The following SV2B variants were observed in gnomAD, a reference collection of about 807,000 sequenced individuals.
The protein encoded by SV2B is solute carrier family 22 member B2.
SV2B carries 41 observed loss-of-function variants against 73.9 expected under a neutral mutation model. That is an observed-to-expected ratio of 0.56 (90% CI 0.43 to 0.72). The LOEUF (loss-of-function observed/expected upper bound fraction) is 0.72, where lower values mean the gene tolerates loss of function less well. Ranked by LOEUF, SV2B falls within the 30% of genes least tolerant of loss-of-function variation. SV2B has a pLI of 0.00. For synonymous variants in SV2B, 314 were observed against 314.2 expected (o/e 1.00, Z 0.01); for missense variants, 764 against 857.8 (o/e 0.89, Z 1.37).
chr15:91,155,515 C>T (rs1447722098), intron 1 of SV2B, among the ~76,000 whole-genome samples: 1 of 152,160 alleles, frequency 6.6e-6, no homozygotes, highest in Non-Finnish European at 1.5e-5. Flanking sequence ...GCTTCCTGGC[C>T]TCTTCTGGAC....
chr15:91,171,413 T>C (rs1004119806), intron 1 of SV2B, among the ~76,000 whole-genome samples: 1 of 152,186 alleles, frequency 6.6e-6, no homozygotes. Flanking sequence ...ATATTGTGAG[T>C]TGGTGGCACA....
At chr15:91,161,127 G>A (rs2043699807) in intron 1 of SV2B, among the ~76,000 whole-genome samples, 1 of 152,164 alleles carries the variant, frequency 6.6e-6, no homozygotes, top group Non-Finnish European at 1.5e-5. Flanking sequence ...GGAGATGGGT[G>A]GTTTCTTGGG....
chr15:91,152,797 G>A (rs144460114), intron 1 of SV2B, among the ~76,000 whole-genome samples: 22 of 152,296 alleles, frequency 1.4e-4, no homozygotes, highest in African/African-American at 4.8e-4. Flanking sequence ...CACCAACTAA[G>A]ACTTTCTCCA....
intron 1 of SV2B, among the ~76,000 whole-genome samples, chr15:91,186,640 T>C (rs928487448): frequency 6.6e-6 from 1 of 152,154 alleles, no homozygotes; most frequent in Non-Finnish European, 1.5e-5. Flanking sequence ...AAAAATACAC[T>C]TATAAATGGA....
Position 91,136,327 on chromosome 15 carries a change from T to C in SV2B, c.-392+35964T>C, listed in dbSNP as rs1392837788. Among the ~76,000 whole-genome samples, 1 of 152,114 alleles carries C rather than the reference T, an allele frequency of 6.6e-6. No individual in the cohort carries two copies. The highest frequency in any genetic ancestry group is 1.5e-5 in the Non-Finnish European group (1 of 68,026). ...CTCAGCAGGTTGCTGGAAGGTTTGA[T>C]GTAGGGTTGATGCATCTGACAGCCA... On this transcript the variant is annotated intron_variant, in intron 1 of 12. Transcript: ENST00000394232. The surrounding 1 kb of genome is among the most constrained non-coding windows in gnomAD (Gnocchi z 5.6).
chr15:91,170,967 C>G (rs2044101514), intron 1 of SV2B, among the ~76,000 whole-genome samples: 2 of 152,156 alleles, frequency 1.3e-5, no homozygotes, highest in Admixed American at 6.5e-5. Flanking sequence ...TGGACTCACT[C>G]TGTGCCAGGT....
Position 91,139,482 on chromosome 15 carries a change from G to A in SV2B, c.-392+39119G>A, listed in dbSNP as rs1361825867. On this transcript the variant is annotated intron_variant, in intron 1 of 12. Transcript: ENST00000394232. This position sits in a 1 kb window ranked among gnomAD's most constrained non-coding sequence, Gnocchi z 5.2. ...CTGGGAAATGGAGGCAGGGAGAGGTGTACAAGTAGCACCCAGAACAGAAAA... is the reference window on the plus strand; with the variant it reads ...CTGGGAAATGGAGGCAGGGAGAGGTATACAAGTAGCACCCAGAACAGAAAA... 1.3e-5 allele frequency among the ~76,000 whole-genome samples: 2 copies of A among 152,118 alleles called. No homozygotes were observed. Among genetic ancestry groups the A allele is most frequent in the African/African-American group, 2.4e-5 (1 of 41,428 alleles).
chr15:91,112,268 A>G (rs2042058389), intron 1 of SV2B, among the ~76,000 whole-genome samples: 1 of 152,162 alleles, frequency 6.6e-6, no homozygotes, highest in African/African-American at 2.4e-5. Flanking sequence ...CTCGAGAACC[A>G]TGGTGATACA....
Position 91,158,725 on chromosome 15 carries a change from T to TCTC in SV2B, c.-392+58363_-392+58365dup, listed in dbSNP as rs1172086662. Among the ~76,000 whole-genome samples the TCTC allele has an allele frequency of 4.8e-3, 476 of 99,524 alleles. 115 individuals are homozygous for TCTC. Among genetic ancestry groups the TCTC allele is most frequent in the African/African-American group, 0.017 (427 of 25,200 alleles). 65.3% of individuals were successfully genotyped at this position (99,524 alleles called of 152,430 possible). On this transcript the variant is annotated intron_variant, in intron 1 of 12. Transcript: ENST00000394232. Reference sequence around the variant, plus strand: ...TCTCCTCTCCTCTCCTCTCCTCTCCTCTCTTCTCCTCTTTTTTCTCTCTCT... The same window carrying TCTC: ...TCTCCTCTCCTCTCCTCTCCTCTCCTCTCCTCTTCTCCTCTTTTTTCTCTCTCT...
At position 91,265,615 on chromosome 15, in the gene SV2B, G is replaced by A. The variant is rs1359372136; in HGVS notation, c.1009-967G>A. Among the ~76,000 whole-genome samples the A allele has an allele frequency of 6.6e-6, 1 of 152,196 alleles. No individual in the cohort carries two copies. The highest frequency in any genetic ancestry group is 1.5e-5 in the Non-Finnish European group (1 of 68,042). ...TGTAGCTGGGGGTCATAACATCCAT[G>A]AAGGTACTGAATAGCTTGAAGCCCA... On this transcript the variant is annotated intron_variant, in intron 6 of 12. Coordinates refer to ENST00000394232, the MANE Select transcript of SV2B (RefSeq NM_001323032.3). This position sits in a 1 kb window ranked among gnomAD's most constrained non-coding sequence, Gnocchi z 4.2.
intron 2 of SV2B, among the ~76,000 whole-genome samples, chr15:91,251,496 A>G (rs180685645): frequency 1.4e-4 from 22 of 152,338 alleles, no homozygotes; most frequent in Non-Finnish European, 2.5e-4. Flanking sequence ...TTTGCAACAC[A>G]AAGACTTTCC....
chr15:91,211,568 G>C (rs1378325808), intron 1 of SV2B, among the ~76,000 whole-genome samples: 1 of 148,820 alleles, frequency 6.7e-6, no homozygotes, highest in Non-Finnish European at 1.5e-5. Context: ...CAGTGGCGCA[G>C]TCTCGGCTCA....
Position 91,214,384 on chromosome 15 carries a change from T to C in SV2B, c.-391-11489T>C, listed in dbSNP as rs922754448. The stretch of plus-strand genomic sequence containing the variant: ...ACCTAGGAAGGCATATCTGTGTGTG[T>C]GTTTATATAACAATAGCTATTTTTA... On this transcript the variant is annotated intron_variant, in intron 1 of 12. Transcript: ENST00000394232. The surrounding 1 kb of genome is among the most constrained non-coding windows in gnomAD (Gnocchi z 4.7). 2.0e-5 allele frequency among the ~76,000 whole-genome samples: 3 copies of C among 152,262 alleles called. No individual in the cohort carries two copies. Among genetic ancestry groups the C allele is most frequent in the Non-Finnish European group, 4.4e-5 (3 of 68,044 alleles).
rs1173234326 is a variant in SV2B at position 91,136,629 on chromosome 15, C to A, written c.-392+36266C>A. ...GGTGGGGCCAACCATTCCATTCACACCCTGGAGCAAGGAAGCTCTAGGTTC... is the reference window on the plus strand; with the variant it reads ...GGTGGGGCCAACCATTCCATTCACAACCTGGAGCAAGGAAGCTCTAGGTTC... On this transcript the variant is annotated intron_variant, in intron 1 of 12. Coordinates refer to ENST00000394232, the MANE Select transcript of SV2B (RefSeq NM_001323032.3). This position sits in a 1 kb window ranked among gnomAD's most constrained non-coding sequence, Gnocchi z 5.6. 3.3e-5 allele frequency among the ~76,000 whole-genome samples: 5 copies of A among 152,184 alleles called. No individual in the cohort carries two copies.
At chr15:91,276,375 A>G (rs1162782808) in intron 9 of SV2B, among the ~76,000 whole-genome samples, 1 of 151,998 alleles carries the variant, frequency 6.6e-6, no homozygotes, top group Non-Finnish European at 1.5e-5. Flanking sequence ...TTACTTTAGG[A>G]AAATCCTTTG....
intron 1 of SV2B, among the ~76,000 whole-genome samples, chr15:91,134,509 G>A (rs964464126): frequency 6.6e-6 from 1 of 152,164 alleles, no homozygotes; most frequent in African/African-American, 2.4e-5. Flanking sequence ...GCAAGAGAGC[G>A]AAAAGGGGGT....
chr15:91,135,977 C>T (rs112550761), intron 1 of SV2B, among the ~76,000 whole-genome samples: 2,474 of 152,252 alleles, frequency 0.016, 87 homozygotes, highest in African/African-American at 0.057. Flanking sequence ...CACACGATTG[C>T]AGCTTTCTCC....
At chr15:91,179,407 G>A (rs1420053594) in intron 1 of SV2B, among the ~76,000 whole-genome samples, 1 of 152,124 alleles carries the variant, frequency 6.6e-6, no homozygotes, top group Non-Finnish European at 1.5e-5. Context: ...TGTCTATTAG[G>A]TCCTCTTGGT....
At position 91,231,970 on chromosome 15, in the gene SV2B, A is replaced by C. The variant is rs1457731987; in HGVS notation, c.451+5256A>C. On this transcript the variant is annotated intron_variant, in intron 2 of 12. Coordinates refer to ENST00000394232, the MANE Select transcript of SV2B (RefSeq NM_001323032.3). The surrounding 1 kb of genome is among the most constrained non-coding windows in gnomAD (Gnocchi z 4.5). ...GTGAGCTGAATTTTCATAGCAGCTC[A>C]GAGATAGATATATTACTCTGCTGTC... Among the ~76,000 whole-genome samples the C allele has an allele frequency of 6.6e-6, 1 of 152,228 alleles. No homozygotes were observed. The highest frequency in any genetic ancestry group is 1.5e-5 in the Non-Finnish European group (1 of 68,044).
Sources: allele counts gnomAD v4.1 joint callset (sites outside exome capture counted in the v4.1 genomes callset), GRCh38; gene constraint gnomAD v4.1.1; non-coding constraint Gnocchi (gnomAD v3.1); transcripts MANE v1.5; gene names NCBI Gene and HGNC (gene_info 2026-07-23, HGNC 2026-07-21).